The following ACYP2 variants were observed in gnomAD, a reference collection of about 807,000 sequenced individuals.
The protein encoded by ACYP2 is acylphosphatase-2.
In ACYP2, 12 loss-of-function variants were observed where a neutral mutation model predicts 11.2. That is an observed-to-expected ratio of 1.08 (90% CI 0.69 to 1.74). ACYP2 has a LOEUF of 1.74. Ranked by LOEUF, ACYP2 falls within the 40% of genes most tolerant of loss-of-function variation. ACYP2 has a pLI of 0.00. For missense variants in ACYP2, 134 were observed against 101.9 expected, an observed-to-expected ratio of 1.31 and a Z score of -1.35; for synonymous variants, 43 against 32.2, an observed-to-expected ratio of 1.33 and a Z score of -1.13.
chr2:54,091,105 T>G (rs1030577994), intron 4 of ACYP2, among the ~76,000 whole-genome samples: 1 of 152,190 alleles, frequency 6.6e-6, no homozygotes, highest in African/African-American at 2.4e-5. Context: ...CCTGTAATGA[T>G]TAAAAGGACA....
intron 4 of ACYP2, among the ~76,000 whole-genome samples, chr2:54,093,289 A>T (rs1391674520): frequency 6.6e-6 from 1 of 152,254 alleles, no homozygotes; most frequent in Non-Finnish European, 1.5e-5. Context: ...AGTTACACAG[A>T]CAACTGCCGG....
intron 6 of ACYP2, among the ~76,000 whole-genome samples, chr2:54,165,118 G>A (rs973563118): frequency 9.2e-5 from 14 of 152,100 alleles, no homozygotes; most frequent in African/African-American, 3.1e-4. Context: ...TTATTGATGG[G>A]CATTTGGGTT....
chr2:54,124,528 G>T (rs979127629), intron 4 of ACYP2, among the ~76,000 whole-genome samples: 10 of 152,128 alleles, frequency 6.6e-5, no homozygotes, highest in African/African-American at 2.4e-4. Context: ...ATTTATTTCA[G>T]CCTTGTTTAT....
intron 6 of ACYP2, chr2:54,255,205 C>G (rs1490653435): frequency 2.5e-6 from 4 of 1,614,212 alleles, no homozygotes; most frequent in Non-Finnish European, 3.4e-6. Context: ...GCCGAAGGAT[C>G]TGACCTCATA....
chr2:54,116,968 CA>C (rs1157767603), intron 4 of ACYP2, among the ~76,000 whole-genome samples: 1 of 152,044 alleles, frequency 6.6e-6, no homozygotes, highest in Non-Finnish European at 1.5e-5. Context: ...AGCAGGTGAC[CA>C]GGGGTGACTC....
At chr2:53,990,088 C>G (rs2104517506) in intron 2 of ACYP2, among the ~76,000 whole-genome samples, 1 of 151,386 alleles carries the variant, frequency 6.6e-6, no homozygotes, top group East Asian at 2.0e-4. Flanking sequence ...AAGCAATTCT[C>G]CTGCCTCAGC....
At chr2:54,044,423 C>T (rs183812987) in intron 2 of ACYP2, among the ~76,000 whole-genome samples, 1 of 150,564 alleles carries the variant, frequency 6.6e-6, no homozygotes, top group Non-Finnish European at 1.5e-5. Context: ...GGCGAACCCC[C>T]GTGTCTACTA....
intron 6 of ACYP2, among the ~76,000 whole-genome samples, chr2:54,172,142 C>T (rs1286488354): frequency 6.6e-6 from 1 of 152,090 alleles, no homozygotes; most frequent in African/African-American, 2.4e-5. Context: ...CCCTTGAACC[C>T]AGGAGTTTGA....
At chr2:53,992,119 C>T (rs752971073) in intron 2 of ACYP2, among the ~76,000 whole-genome samples, 23 of 149,076 alleles carry the variant, frequency 1.5e-4, no homozygotes, top group Non-Finnish European at 1.3e-4. Flanking sequence ...TCCCTCTCTC[C>T]CTTTCTTCCT....
intron 6 of ACYP2, among the ~76,000 whole-genome samples, chr2:54,272,287 CTG>C (rs1218816267): frequency 6.6e-6 from 1 of 152,194 alleles, no homozygotes; most frequent in African/African-American, 2.4e-5. Context: ...GGCTGTGAGT[CTG>C]TGTCTCTGGG....
At chr2:54,140,163 A>G (rs1681524044) in intron 6 of ACYP2, among the ~76,000 whole-genome samples, 1 of 152,208 alleles carries the variant, frequency 6.6e-6, no homozygotes, top group African/African-American at 2.4e-5. Context: ...AAAATGTACA[A>G]GAAATTTTGG....
At chr2:54,164,246 AG>A (rs1682854135) in intron 6 of ACYP2, among the ~76,000 whole-genome samples, 1 of 152,222 alleles carries the variant, frequency 6.6e-6, no homozygotes, top group South Asian at 2.1e-4. Flanking sequence ...GGATGCACAC[AG>A]GAACTGGGGA....
intron 2 of ACYP2, among the ~76,000 whole-genome samples, chr2:54,039,083 C>T (rs560732259): frequency 1.8e-4 from 28 of 151,934 alleles, no homozygotes; most frequent in South Asian, 8.3e-4. Flanking sequence ...GGGTGGGGAG[C>T]GTGCTCCTAT....
intron 4 of ACYP2, among the ~76,000 whole-genome samples, chr2:54,086,135 G>A (rs1037444547): frequency 6.6e-6 from 1 of 152,082 alleles, no homozygotes; most frequent in African/African-American, 2.4e-5. Context: ...AGTACAGACA[G>A]GGTTTCACCA....
chr2:54,071,737 G>A (rs1677055975), intron 4 of ACYP2, among the ~76,000 whole-genome samples: 1 of 152,182 alleles, frequency 6.6e-6, no homozygotes, highest in Non-Finnish European at 1.5e-5. Context: ...TAGGCCGGGT[G>A]TGGTGGCTCA....
At chr2:54,299,465 G>T in intron 6 of ACYP2, among the ~76,000 whole-genome samples, 1 of 151,938 alleles carries the variant, frequency 6.6e-6, no homozygotes, top group East Asian at 1.9e-4. Flanking sequence ...GGTGGCGCAT[G>T]CCTGTAATCC....
chr2:54,023,552 T>C (rs974940646), intron 2 of ACYP2, among the ~76,000 whole-genome samples: 1 of 152,198 alleles, frequency 6.6e-6, no homozygotes, highest in Non-Finnish European at 1.5e-5. Context: ...ATTTTAACCA[T>C]TTTAGTATAT....
At chr2:54,282,019 G>C (rs1467472172) in intron 6 of ACYP2, among the ~76,000 whole-genome samples, 1 of 152,042 alleles carries the variant, frequency 6.6e-6, no homozygotes, top group African/African-American at 2.4e-5. Context: ...TTCCACAAAG[G>C]AGCCAAAGTG....
At position 54,201,608 on chromosome 2, in the gene ACYP2, CTTT is replaced by C. The variant is rs1558608510; in HGVS notation, c.404+62861_404+62863del. Among the ~76,000 whole-genome samples the C allele has an allele frequency of 3.8e-3, 305 of 79,876 alleles. 3 individuals are homozygous for C. The highest frequency in any genetic ancestry group is 0.014 in the African/African-American group (295 of 20,648). The allele number at this position is 79,876 out of a possible 152,430, so 52.4% of individuals were successfully genotyped here. A position where few individuals can be genotyped will look rare whatever the true frequency, so the allele number is the denominator to read the frequency against. On this transcript the variant is annotated intron_variant, in intron 6 of 6. Coordinates refer to ENST00000607452, the MANE Select transcript of ACYP2 (RefSeq NM_001320586.2). Reference sequence around the variant, plus strand: ...TTTCTTTCTTTCTCTTTCTTTCTTTCTTTCTTTCTTTCTTTGTTTCTTTCTTTC... The same window carrying C: ...TTTCTTTCTTTCTCTTTCTTTCTTTCCTTTCTTTCTTTGTTTCTTTCTTTC...
Sources: gnomAD v4.1 joint callset for allele counts (sites outside exome capture counted in the v4.1 genomes callset) on GRCh38, gnomAD v4.1.1 for gene constraint, MANE v1.5 for transcripts, NCBI Gene and HGNC (gene_info 2026-07-23, HGNC 2026-07-21) for gene names.